PPP2R5A: variants seen among roughly 807,000 people sequenced by gnomAD.
PPP2R5A encodes the protein protein phosphatase 2 regulatory subunit B'alpha.
In PPP2R5A, 25 loss-of-function variants were observed where a neutral mutation model predicts 64.2. That is an observed-to-expected ratio of 0.39 (90% CI 0.28 to 0.54). The LOEUF is 0.54. PPP2R5A is among the 20% of genes least tolerant of loss of function. The pLI is 0.67. For synonymous variants in PPP2R5A, 198 were observed against 201.2 expected, an observed-to-expected ratio of 0.98 and a Z score of 0.13; for missense variants, 425 against 576.3, an observed-to-expected ratio of 0.74 and a Z score of 2.69.
chr1:212,358,765 T>A lies in PPP2R5A; in HGVS notation c.1306T>A (p.Ser436Thr). The A allele has an allele frequency of 1.9e-6, 3 of 1,613,150 alleles. No homozygotes were observed. Among genetic ancestry groups the A allele is most frequent in the Non-Finnish European group, 2.5e-6 (3 of 1,179,294 alleles). Residue 436 changes from serine to threonine, a missense_variant, in exon 12 of 13, where the codon TCA (serine) becomes ACA (threonine). Physicochemically the swap from Ser to Thr is moderately conservative, Grantham distance 58. Coordinates refer to ENST00000261461, the MANE Select transcript of PPP2R5A (RefSeq NM_006243.4). ...CAAGCTTTTCGATGACCTTACTAGC[T>A]CATACAAAGCTGAAAGACAGAGGTA... ...NGKLFDDLTS[S>T]YKAERQREKK...
At chr1:212,289,771 GATT>G (rs1197917210) in intron 1 of PPP2R5A, among the ~76,000 whole-genome samples, 2 of 152,114 alleles carry the variant, frequency 1.3e-5, no homozygotes, top group African/African-American at 4.8e-5. Context: ...TTAAATGAAG[GATT>G]ATTAATAGGA....
In PPP2R5A at chr1:212,320,609, T is replaced by G. The variant is rs1659257210; in HGVS notation, c.182-8526T>G. Among the ~76,000 whole-genome samples the G allele has an allele frequency of 2.7e-5, 4 of 146,768 alleles. No homozygotes were observed. In the South Asian group the frequency reaches 8.6e-4, roughly 31 times the overall value. ...CCGCCTCCCTCCCGGACGGGGCAGC[T>G]GGCCGGGCGGGGGGCTGACCTCCCT... On this transcript the variant is annotated intron_variant, in intron 1 of 12. Coordinates refer to ENST00000261461, the MANE Select transcript of PPP2R5A (RefSeq NM_006243.4).
chr1:212,295,103 T>A (rs904106193), intron 1 of PPP2R5A, among the ~76,000 whole-genome samples: 1 of 152,188 alleles, frequency 6.6e-6, no homozygotes, highest in Non-Finnish European at 1.5e-5. Flanking sequence ...TGTTGCTATG[T>A]TGAAGAATGG....
At chr1:212,300,384 AAAAT>A (rs1216854979) in intron 1 of PPP2R5A, among the ~76,000 whole-genome samples, 2 of 152,190 alleles carry the variant, frequency 1.3e-5, no homozygotes, top group Non-Finnish European at 1.5e-5. Context: ...ATGGTTTTCT[AAAAT>A]AAACTCATTT....
At chr1:212,340,854 T>A (rs1659674079) in intron 3 of PPP2R5A, among the ~76,000 whole-genome samples, 1 of 152,198 alleles carries the variant, frequency 6.6e-6, no homozygotes, top group Non-Finnish European at 1.5e-5. Flanking sequence ...AAGGCCTAGA[T>A]CTGGTAGTGC....
At chr1:212,322,270 G>GAGAGGGAGAGGGAGAGGAGGGAGAGGA in intron 1 of PPP2R5A, among the ~76,000 whole-genome samples, 2 of 147,304 alleles carry the variant, frequency 1.4e-5, no homozygotes, top group South Asian at 4.3e-4. Flanking sequence ...GGAGAGGAGG[G>GAGAGGGAGAGGGAGAGGAGGGAGAGGA]AGAGGGAGAG....
At chr1:212,359,364 T>C (rs1460734384) in intron 12 of PPP2R5A, among the ~76,000 whole-genome samples, 1 of 152,198 alleles carries the variant, frequency 6.6e-6, no homozygotes, top group Non-Finnish European at 1.5e-5. Flanking sequence ...CATAATGATA[T>C]GGCTTAGGGT....
intron 1 of PPP2R5A, chr1:212,319,608 G>GT (rs1659223201): frequency 1.5e-5 from 2 of 132,810 alleles, no homozygotes; most frequent in African/African-American, 6.1e-5. Context: ...TGTTCTTTTT[G>GT]TTTTCTTTTC....
At chr1:212,301,436 TTAAAA>T (rs1264218437) in intron 1 of PPP2R5A, among the ~76,000 whole-genome samples, 1 of 152,250 alleles carries the variant, frequency 6.6e-6, no homozygotes, top group Non-Finnish European at 1.5e-5. Flanking sequence ...AGGGGTTTTC[TTAAAA>T]TAATACATAC....
intron 1 of PPP2R5A, among the ~76,000 whole-genome samples, chr1:212,293,560 C>A (rs1329200949): frequency 6.6e-6 from 1 of 152,164 alleles, no homozygotes; most frequent in Non-Finnish European, 1.5e-5. Context: ...TAAGCAGTTT[C>A]AAGCCTAGTT....
intron 2 of PPP2R5A, among the ~76,000 whole-genome samples, chr1:212,333,129 C>T (rs1236520029): frequency 6.6e-5 from 10 of 152,130 alleles, no homozygotes; most frequent in African/African-American, 2.4e-4. Context: ...TCTTGAACTC[C>T]TGACCTCAGA....
At position 212,350,087 on chromosome 1, in the gene PPP2R5A, G is replaced by T. The variant is rs115603732; in HGVS notation, c.927+845G>T. 3.8e-3 allele frequency among the ~76,000 whole-genome samples: 573 copies of T among 152,168 alleles called. 4 individuals carry two copies. Among genetic ancestry groups the T allele is most frequent in the African/African-American group, 0.013 (547 of 41,520 alleles). ...ATAAATATTTAGTAAATAGCAAAGG[G>T]TTTGAAAAACTAAAATATATATGTA... On this transcript the variant is annotated intron_variant, in intron 8 of 12. Coordinates refer to ENST00000261461, the MANE Select transcript of PPP2R5A (RefSeq NM_006243.4).
intron 1 of PPP2R5A, among the ~76,000 whole-genome samples, chr1:212,291,795 C>G (rs942458631): frequency 1.3e-5 from 2 of 152,162 alleles, no homozygotes; most frequent in African/African-American, 4.8e-5. Context: ...TTGTCATTAC[C>G]ATAATTAAAG....
intron 3 of PPP2R5A, among the ~76,000 whole-genome samples, chr1:212,336,459 C>G (rs1659595688): frequency 6.6e-6 from 1 of 152,012 alleles, no homozygotes; most frequent in African/African-American, 2.4e-5. Flanking sequence ...AGACAAATTC[C>G]CAGAGATAAA....
chr1:212,314,593 G>A (rs920957747), intron 1 of PPP2R5A, among the ~76,000 whole-genome samples: 1 of 146,960 alleles, frequency 6.8e-6, no homozygotes, highest in African/African-American at 2.6e-5. Context: ...GTCTCGCTGT[G>A]ATGCCCAGGG....
intron 5 of PPP2R5A, among the ~76,000 whole-genome samples, chr1:212,346,569 GTATT>G (rs746102458): frequency 4.6e-5 from 7 of 151,994 alleles, no homozygotes; most frequent in Admixed American, 6.6e-5. Context: ...TTTTAAATTT[GTATT>G]TATTTTTCAA....
At chr1:212,298,853 G>T (rs1658743649) in intron 1 of PPP2R5A, among the ~76,000 whole-genome samples, 1 of 40,256 alleles carries the variant, frequency 2.5e-5, no homozygotes, top group Admixed American at 1.9e-4. Flanking sequence ...TCACCTCCCG[G>T]ACGGGGCGGC....
At position 212,290,106 on chromosome 1, in the gene PPP2R5A, A is replaced by G. The variant is rs1348805920; in HGVS notation, c.181+3815A>G. ...CCTTCAGAAGAGGTAAAACTTTCCC[A>G]AGTAGCACTCAAGATTCTTTGTTGG... On this transcript the variant is annotated intron_variant, in intron 1 of 12. Coordinates refer to ENST00000261461, the MANE Select transcript of PPP2R5A (RefSeq NM_006243.4). Among the ~76,000 whole-genome samples, 64 of 152,324 alleles carry G rather than the reference A, an allele frequency of 4.2e-4. 1 individual carries two copies.
Position 212,285,763 on chromosome 1 carries a change from C to T in PPP2R5A, c.-348C>T, listed in dbSNP as rs2102407252. 5.0e-6 allele frequency: 1 copy of T among 201,652 alleles called. No homozygotes were observed. The highest frequency in any genetic ancestry group is 1.1e-4 in the East Asian group (1 of 9,300). 12.5% of individuals were successfully genotyped at this position (201,652 alleles called of 1,614,324 possible). ...ACGAGAGGCGCGCTCGGCACCCGCACCCCCGTGCCCCCGCCTCAGTTGTCT... is the reference window on the plus strand; with the variant it reads ...ACGAGAGGCGCGCTCGGCACCCGCATCCCCGTGCCCCCGCCTCAGTTGTCT... On this transcript the variant is annotated 5_prime_UTR_variant, in exon 1 of 13. Transcript: ENST00000261461.
Sources: gnomAD v4.1 joint callset for allele counts (sites outside exome capture counted in the v4.1 genomes callset) on GRCh38, gnomAD v4.1.1 for gene constraint, MANE v1.5 for transcripts, NCBI Gene and HGNC (gene_info 2026-07-23, HGNC 2026-07-21) for gene names.